Variants in FBN2 observed in about 807,000 individuals in gnomAD.
FBN2 encodes fibrillin 2, also known as fibrillin-2.
A neutral mutation model predicts 355.6 loss-of-function variants in FBN2; 105 were observed. That is an observed-to-expected ratio of 0.30 (90% CI 0.25 to 0.35). The LOEUF (loss-of-function observed/expected upper bound fraction) is 0.35, where lower values mean the gene tolerates loss of function less well. Ranked by LOEUF, FBN2 falls within the 10% of genes least tolerant of loss-of-function variation. The pLI, the probability that FBN2 is intolerant of heterozygous loss-of-function variation, is 1.00. For synonymous variants in FBN2, 1,350 were observed against 1,301.2 expected (o/e 1.04, Z -0.81); for missense variants, 3,280 against 3,758.7 (o/e 0.87, Z 3.33).
intron 27 of FBN2, 136 bp downstream of exon 27, chr5:128,337,861 G>T: frequency 1.1e-6 from 1 of 903,880 alleles, no homozygotes; most frequent in Non-Finnish European, 1.8e-6. Flanking sequence ...CCTGCATCCA[G>T]ATGTAGGGAA....
chr5:128,537,517 C>A lies in FBN2; in HGVS notation c.87G>T (p.Gln29His). 1 of 1,576,398 alleles carries A rather than the reference C, an allele frequency of 6.3e-7. No individual in the cohort carries two copies. Among genetic ancestry groups the A allele is most frequent in the Non-Finnish European group, 8.6e-7 (1 of 1,164,220 alleles). ...GCGGCTTGGGCGGAGGAGGCTGAGG[C>A]TGGCCGGCCGTGCCCTGCGCCCAGA... Reference protein sequence around the residue: ...VVLWAQGTAGQPQPPPPKPPR... With the variant: ...VVLWAQGTAGHPQPPPPKPPR... Residue 29 changes from glutamine to histidine, a missense_variant, in exon 1 of 65, where the codon CAG becomes CAT. By Grantham distance (24) the Gln-to-His change is conservative. Around this residue, in one of 6 missense-constraint regions of FBN2, gnomAD observed 203 missense variants for 142.2 expected, o/e 1.43. Coordinates refer to ENST00000262464, the MANE Select transcript of FBN2 (RefSeq NM_001999.4).
At chr5:128,305,773 A>G in intron 43 of FBN2, 50 bp downstream of exon 43, 1 of 1,606,790 alleles carries the variant, frequency 6.2e-7, no homozygotes, top group Non-Finnish European at 8.5e-7. Context: ...TAAATGCTAT[A>G]TATGTATACC....
chr5:128,334,959 C>T, intron 30 of FBN2, 115 bp from the exon 31 acceptor site: 2 of 1,177,380 alleles, frequency 1.7e-6, no homozygotes, highest in East Asian at 2.4e-5. Flanking sequence ...AAATATAATC[C>T]ATCCGCAAAT....
At chr5:128,449,355 T>C (rs1283354920) in intron 6 of FBN2, among the ~76,000 whole-genome samples, 1 of 94,278 alleles carries the variant, frequency 1.1e-5, no homozygotes, top group African/African-American at 3.7e-5. Flanking sequence ...TAGTATACTA[T>C]ATAGTATACT....
rs116286589 is a variant in FBN2 at position 128,526,015 on chromosome 5, C to T, written c.532+1857G>A. The stretch of plus-strand genomic sequence containing the variant: ...TAAAATATATACTCTCTGGCCTTTA[C>T]AAAAAAAGTTGACCTACCCCTGACC... On this transcript the variant is annotated intron_variant, in intron 4 of 64. Transcript: ENST00000262464. Among the ~76,000 whole-genome samples, 1,403 of 152,060 alleles carry T rather than the reference C, an allele frequency of 9.2e-3. 21 individuals carry two copies. Among genetic ancestry groups the T allele is most frequent in the African/African-American group, 0.031 (1,269 of 41,500 alleles).
At chr5:128,301,174 C>T (rs1749705200) in intron 47 of FBN2, among the ~76,000 whole-genome samples, 1 of 152,184 alleles carries the variant, frequency 6.6e-6, no homozygotes, top group Non-Finnish European at 1.5e-5. Context: ...TGGACAGCCT[C>T]AAGCTCTGTC....
Position 128,318,578 on chromosome 5 carries a change from G to GTA in FBN2, c.4594+299_4594+300dup, listed in dbSNP as rs755631705. ...CTTAACAAAAATCACATATATACAT[G>GTA]TATATATATATATACATGTACTATA... On this transcript the variant is annotated intron_variant, in intron 35 of 64. Coordinates refer to ENST00000262464, the MANE Select transcript of FBN2 (RefSeq NM_001999.4). Among the ~76,000 whole-genome samples, 183 of 148,530 alleles carry GTA rather than the reference G, an allele frequency of 1.2e-3. 2 individuals carry two copies. Among genetic ancestry groups the GTA allele is most frequent in the South Asian group, 2.6e-3 (12 of 4,696 alleles).
intron 55 of FBN2, among the ~76,000 whole-genome samples, chr5:128,286,336 T>A (rs1749144071): frequency 6.6e-6 from 1 of 152,208 alleles, no homozygotes. Flanking sequence ...ACAGCTAAAA[T>A]CACCTCAGAC....
intron 5 of FBN2, among the ~76,000 whole-genome samples, chr5:128,479,755 C>T (rs555093385): frequency 1.3e-5 from 2 of 151,596 alleles, no homozygotes; most frequent in Non-Finnish European, 2.9e-5. Context: ...GGCAAGACTC[C>T]ATCTGTACAA....
At chr5:128,423,396 T>C (rs747813145) in intron 7 of FBN2, among the ~76,000 whole-genome samples, 14 of 152,114 alleles carry the variant, frequency 9.2e-5, no homozygotes, top group Non-Finnish European at 2.1e-4. Flanking sequence ...ACATCTTACA[T>C]GGTAGCAGGC....
At chr5:128,374,792 T>A in intron 14 of FBN2, 42 bp from the exon 15 acceptor site, 17 of 1,611,922 alleles carry the variant, frequency 1.1e-5, no homozygotes, top group Non-Finnish European at 1.4e-5. Flanking sequence ...ACTGGGTAAA[T>A]TTAACGTTAT....
chr5:128,303,098 A>G lies in FBN2; in HGVS notation c.5801-9T>C, dbSNP rs537362004. On this transcript the variant is annotated splice_polypyrimidine_tract_variant and intron_variant, in intron 45 of 64. Coordinates refer to ENST00000262464, the MANE Select transcript of FBN2 (RefSeq NM_001999.4). Reference sequence around the variant, plus strand: ...CTCGCACTCATCAACATCTATAAAGAAATATAGGCTCAAAAAATTCAATTT... The same window carrying G: ...CTCGCACTCATCAACATCTATAAAGGAATATAGGCTCAAAAAATTCAATTT... 1.6e-5 allele frequency: 24 copies of G among 1,538,758 alleles called. No individual in the cohort carries two copies. In the South Asian group the frequency reaches 2.7e-4, roughly 17 times the overall value.
chr5:128,465,377 G>A (rs745623741), intron 5 of FBN2, among the ~76,000 whole-genome samples: 1 of 152,154 alleles, frequency 6.6e-6, no homozygotes, highest in Non-Finnish European at 1.5e-5. Context: ...TACATTCACT[G>A]ATGTTTCCTT....
intron 5 of FBN2, among the ~76,000 whole-genome samples, chr5:128,486,685 C>T (rs1561480787): frequency 6.6e-6 from 1 of 152,038 alleles, no homozygotes; most frequent in Non-Finnish European, 1.5e-5. Flanking sequence ...AGGTTTGTTA[C>T]ATATGTATAC....
At chr5:128,424,864 A>G (rs1047256347) in intron 7 of FBN2, among the ~76,000 whole-genome samples, 6 of 152,318 alleles carry the variant, frequency 3.9e-5, no homozygotes, top group African/African-American at 1.4e-4. Context: ...TAACAGTCTG[A>G]AAGCTATCTC....
chr5:128,451,718 T>A (rs528572304), intron 6 of FBN2, among the ~76,000 whole-genome samples: 1 of 152,200 alleles, frequency 6.6e-6, no homozygotes, highest in East Asian at 1.9e-4. Flanking sequence ...CATTTTTAAA[T>A]GTACTACACT....
Position 128,377,872 on chromosome 5 carries a change from C to T in FBN2, c.1729G>A (p.Asp577Asn), listed in dbSNP as rs1230736233. 3 of 1,613,126 alleles carry T rather than the reference C, an allele frequency of 1.9e-6. No individual in the cohort carries two copies. Among genetic ancestry groups the T allele is most frequent in the Non-Finnish European group, 2.5e-6 (3 of 1,179,274 alleles). The change falls in exon 13 of 65, where the codon GAT becomes AAT. Residue 577 changes from aspartate (D) to asparagine (N), a missense_variant. Asp to Asn is a conservative substitution (Grantham distance 23). Coordinates refer to ENST00000262464, the MANE Select transcript of FBN2 (RefSeq NM_001999.4). ...AGAACCCCATTCTGGATGCACTCAT[C>T]AATATCTAGGAAGATTGAGAATGGC... ...TPTKQACIDI[D>N]ECIQNGVLCK... is the part of the protein sequence containing the mutation.
intron 48 of FBN2, among the ~76,000 whole-genome samples, chr5:128,295,087 T>C: frequency 6.7e-6 from 1 of 150,324 alleles, no homozygotes; most frequent in Non-Finnish European, 1.5e-5. Flanking sequence ...ATTTATTAAA[T>C]AGGGAATCCT....
At chr5:128,318,825 C>G in intron 35 of FBN2, 54 bp downstream of exon 35, 2 of 1,586,768 alleles carry the variant, frequency 1.3e-6, no homozygotes, top group Non-Finnish European at 1.7e-6. Flanking sequence ...ATGCTTAGCA[C>G]AGAATACTCA....
Sources: gnomAD v4.1 joint callset for allele counts (sites outside exome capture counted in the v4.1 genomes callset) on GRCh38, gnomAD v4.1.1 for gene constraint, gnomAD v4.1.1 regional missense constraint, MANE v1.5 for transcripts, NCBI Gene and HGNC (gene_info 2026-07-23, HGNC 2026-07-21) for gene names.